The following ACBD5 variants were observed in gnomAD, a reference collection of about 807,000 sequenced individuals.
The protein encoded by ACBD5 is acyl-CoA binding domain containing 5.
ACBD5 carries 40 observed loss-of-function variants against 71.8 expected under a neutral mutation model. The ratio of observed to expected loss-of-function variants is 0.56; its 90% confidence interval spans 0.43 to 0.72. The LOEUF is 0.72. Among genes scored for constraint, ACBD5 ranks in the 30% least tolerant of loss-of-function variants. The pLI, the probability that ACBD5 is intolerant of heterozygous loss-of-function variation, is 0.00. For synonymous variants in ACBD5, 229 were observed against 218.6 expected, an observed-to-expected ratio of 1.05 and a Z score of -0.42; for missense variants, 559 against 644.5, an observed-to-expected ratio of 0.87 and a Z score of 1.44.
chr10:27,183,059 A>G (rs1208092946), intron 13 of ACBD5, among the ~76,000 whole-genome samples: 1 of 152,030 alleles, frequency 6.6e-6, no homozygotes, highest in Admixed American at 6.6e-5. Flanking sequence ...AAACAAATTT[A>G]TTTTCCCTAA....
At chr10:27,219,320 A>C (rs74126940) in intron 6 of ACBD5, among the ~76,000 whole-genome samples, 1 of 147,104 alleles carries the variant, frequency 6.8e-6, no homozygotes, top group African/African-American at 2.6e-5. Context: ...AAAAAACAAA[A>C]AAAAAACACT....
intron 10 of ACBD5, among the ~76,000 whole-genome samples, chr10:27,207,699 AC>A (rs1464874240): frequency 6.6e-6 from 1 of 152,026 alleles, no homozygotes; most frequent in Non-Finnish European, 1.5e-5. Context: ...CTTCCTATGA[AC>A]CCTTTTCATT....
chr10:27,234,987 A>G, intron 3 of ACBD5, 105 bp downstream of exon 3: 1 of 1,191,718 alleles, frequency 8.4e-7, no homozygotes, highest in Admixed American at 2.1e-5. Context: ...CCCAATACCT[A>G]GGACACTTTC....
intron 7 of ACBD5, among the ~76,000 whole-genome samples, chr10:27,215,872 GT>G (rs563355112): frequency 1.7e-3 from 259 of 149,266 alleles, no homozygotes; most frequent in Middle Eastern, 7.2e-3. Context: ...GCTAATTTTT[GT>G]TTCATTTGGT....
At chr10:27,186,278 G>A (rs1032729740) in intron 13 of ACBD5, 2 of 1,184,526 alleles carry the variant, frequency 1.7e-6, no homozygotes, top group Admixed American at 1.8e-5. Flanking sequence ...ATAAAGTAAG[G>A]TAAGTTATAT....
rs926969824 is a variant in ACBD5 at position 27,217,709 on chromosome 10, G to A, written c.829+271C>T. Reference sequence around the variant, plus strand: ...ACATGCCTGTAATCCCAGCTACTTAGGAGGCTGAGGCAGAATTGCCCAGGA... The same window carrying A: ...ACATGCCTGTAATCCCAGCTACTTAAGAGGCTGAGGCAGAATTGCCCAGGA... On this transcript the variant is annotated intron_variant, in intron 7 of 12. Transcript: ENST00000396271. Among the ~76,000 whole-genome samples, 9 of 152,026 alleles carry A rather than the reference G, an allele frequency of 5.9e-5. No homozygotes were observed. The South Asian group carries it at 1.9e-3, about 32-fold the overall frequency.
At position 27,240,278 on chromosome 10, in the gene ACBD5, C is replaced by T; in HGVS notation, c.181+41G>A. The T allele has an allele frequency of 1.2e-6, 2 of 1,613,806 alleles. No individual in the cohort carries two copies. Among genetic ancestry groups the T allele is most frequent in the Non-Finnish European group, 1.7e-6 (2 of 1,180,032 alleles). On this transcript the variant is annotated intron_variant, in intron 2 of 12. Coordinates refer to ENST00000396271, the MANE Select transcript of ACBD5 (RefSeq NM_145698.5). The surrounding 1 kb of genome is among the most constrained non-coding windows in gnomAD (Gnocchi z 4.1). ...GAAAGTGAAAGGGGGCTTTGGGGCT[C>T]TCTGCAGGAGGCGTCTACAGCCGGG... is the stretch of plus-strand genomic sequence containing the variant.
chr10:27,212,446 A>G lies in ACBD5; in HGVS notation c.937-1365T>C, dbSNP rs116201993. 9.9e-3 allele frequency among the ~76,000 whole-genome samples: 1,514 copies of G among 152,268 alleles called. 11 individuals are homozygous for G. Among genetic ancestry groups the G allele is most frequent in the Middle Eastern group, 0.027 (8 of 294 alleles). On this transcript the variant is annotated intron_variant, in intron 8 of 12. Coordinates refer to ENST00000396271, the MANE Select transcript of ACBD5 (RefSeq NM_145698.5). Reference sequence around the variant, plus strand: ...AATCTCTATCTGGTCCCTTTCATCAACCTTCCCCAAATATCTCTTTTTTAA... The same window carrying G: ...AATCTCTATCTGGTCCCTTTCATCAGCCTTCCCCAAATATCTCTTTTTTAA...
chr10:27,219,172 C>T (rs2062018196), intron 6 of ACBD5, among the ~76,000 whole-genome samples: 1 of 151,960 alleles, frequency 6.6e-6, no homozygotes, highest in African/African-American at 2.4e-5. Flanking sequence ...TGTGGTGGTG[C>T]ATGCCTGTAA....
intron 8 of ACBD5, 113 bp from the exon 9 acceptor site, chr10:27,211,194 T>C (rs2061040635): frequency 9.1e-7 from 1 of 1,094,098 alleles, no homozygotes; most frequent in South Asian, 1.4e-5. Flanking sequence ...TTCATGTTAT[T>C]ATTGGAAATA....
intron 5 of ACBD5, among the ~76,000 whole-genome samples, chr10:27,222,163 A>G (rs1321725667): frequency 6.6e-6 from 1 of 152,096 alleles, no homozygotes; most frequent in Non-Finnish European, 1.5e-5. Flanking sequence ...CATTATTGTC[A>G]ATTATTAAAA....
chr10:27,235,605 T>A (rs1367086093), intron 2 of ACBD5, among the ~76,000 whole-genome samples: 1 of 152,218 alleles, frequency 6.6e-6, no homozygotes, highest in Non-Finnish European at 1.5e-5. Context: ...CTAGTGTAAG[T>A]GAAAAAGTTA....
Position 27,218,056 on chromosome 10 carries a change from G to A in ACBD5, c.753C>T (p.Gly251=), listed in dbSNP as rs141431716. 4.8e-5 allele frequency: 77 copies of A among 1,613,996 alleles called. 1 individual carries two copies. The highest frequency in any genetic ancestry group is 5.3e-5 in the Non-Finnish European group (63 of 1,180,034). ...NDIHASSSLN[G]RSTEEVKPID... ...TGGGCTTTACTTCTTCAGTGCTTCT[G>A]CCATTCAGGGAAGAACTGGCATGAA... is the stretch of plus-strand genomic sequence containing the variant. The change falls in exon 7 of 13, where the codon GGC becomes GGT. Residue 251 remains glycine, a synonymous_variant. Transcript: ENST00000396271.
At chr10:27,198,945 TAAAAATTCA>T (rs967276163) in intron 12 of ACBD5, among the ~76,000 whole-genome samples, 3 of 151,750 alleles carry the variant, frequency 2.0e-5, no homozygotes, top group Non-Finnish European at 2.9e-5. Context: ...CCGTCTCTAC[TAAAAATTCA>T]AAAAATTAGC....
Position 27,223,421 on chromosome 10 carries a change from A to T in ACBD5, c.407T>A (p.Val136Asp). Residue 136 changes from valine to aspartate, a missense_variant, in exon 5 of 13, where the codon GTT becomes GAT. Coordinates refer to ENST00000396271, the MANE Select transcript of ACBD5 (RefSeq NM_145698.5). ...IIETMPMTEK[V>D]EELLRVIGPF... ...ACCTATGACACGCAGCAATTCTTCA[A>T]CTTTCTCAGTCATTGGCATAGTTTC... The T allele has an allele frequency of 6.2e-7, 1 of 1,613,642 alleles. No homozygotes were observed. The highest frequency in any genetic ancestry group is 8.5e-7 in the Non-Finnish European group (1 of 1,179,974).
intron 13 of ACBD5, among the ~76,000 whole-genome samples, chr10:27,186,012 C>T (rs1304823900): frequency 6.6e-6 from 1 of 152,182 alleles, no homozygotes; most frequent in African/African-American, 2.4e-5. Flanking sequence ...TCGCTTGAAC[C>T]CGGGAGGCGG....
intron 3 of ACBD5, 21 bp downstream of exon 3, chr10:27,235,071 T>G (rs183008134): frequency 6.2e-7 from 1 of 1,611,728 alleles, no homozygotes; most frequent in Non-Finnish European, 8.5e-7. Flanking sequence ...AATTCTTGCA[T>G]AGCTCTACAC....
At chr10:27,235,319 T>C in intron 2 of ACBD5, 107 bp from the exon 3 acceptor site, 1 of 1,317,596 alleles carries the variant, frequency 7.6e-7, no homozygotes, top group Non-Finnish European at 1.1e-6. Context: ...GCATTAATAC[T>C]TTAGATAATG....
rs34856168 is a variant in ACBD5, at chr10:27,210,875, T to C, written c.1143A>G (p.Ala381=). Residue 381 remains alanine, a synonymous_variant, in exon 9 of 13, where the codon GCA becomes GCG. Coordinates refer to ENST00000396271, the MANE Select transcript of ACBD5 (RefSeq NM_145698.5). ...GGEDGRNNSG[A]PHREKRGGET... The stretch of plus-strand genomic sequence containing the variant: ...CTCCGCCTCGCTTCTCCCGGTGTGG[T>C]GCTCCGCTGTTATTCCTGCCATCTT... 63,293 of 1,614,074 alleles carry C rather than the reference T, an allele frequency of 0.039. 2,321 individuals are homozygous for C. Among genetic ancestry groups the C allele is most frequent in the African/African-American group, 0.17 (12,867 of 75,000 alleles).
Sources: gnomAD v4.1 joint callset for allele counts (sites outside exome capture counted in the v4.1 genomes callset) on GRCh38, gnomAD v4.1.1 for gene constraint, Gnocchi (gnomAD v3.1) non-coding constraint, MANE v1.5 for transcripts, NCBI Gene and HGNC (gene_info 2026-07-23, HGNC 2026-07-21) for gene names.